The following PALM2AKAP2 variants were observed in gnomAD, a reference collection of about 807,000 sequenced individuals.
PALM2AKAP2 encodes the protein PALM2 and AKAP2 fusion, also known as PALM2-AKAP2 fusion protein.
A neutral mutation model predicts 71.5 loss-of-function variants in PALM2AKAP2; 37 were observed. The observed-to-expected ratio is 0.52, with a 90% CI of 0.40 to 0.68. The LOEUF (loss-of-function observed/expected upper bound fraction) is 0.68. Among genes scored for constraint, PALM2AKAP2 ranks in the 30% least tolerant of loss-of-function variants. The pLI is 0.00. For synonymous variants in PALM2AKAP2, 468 were observed against 478.8 expected (o/e 0.98, Z 0.29); for missense variants, 1,224 against 1,191.8 (o/e 1.03, Z -0.40).
At chr9:109,978,428 G>A (rs146660516) in intron 6 of PALM2AKAP2, among the ~76,000 whole-genome samples, 1 of 152,256 alleles carries the variant, frequency 6.6e-6, no homozygotes, top group East Asian at 1.9e-4. Flanking sequence ...CACTCAAGAA[G>A]CTGAGCATTA....
At chr9:109,668,553 G>A (rs1827526230) in intron 1 of PALM2AKAP2, among the ~76,000 whole-genome samples, 1 of 152,194 alleles carries the variant, frequency 6.6e-6, no homozygotes. Flanking sequence ...TATAGATTGT[G>A]TGTCTGGGCA....
At chr9:109,660,937 A>T (rs1396183561) in intron 1 of PALM2AKAP2, among the ~76,000 whole-genome samples, 1 of 152,078 alleles carries the variant, frequency 6.6e-6, no homozygotes, top group Non-Finnish European at 1.5e-5. Context: ...GCATTTTTTC[A>T]TGGGTCTGTT....
chr9:110,133,025 A>G (rs1348362305), intron 1 of PALM2AKAP2, among the ~76,000 whole-genome samples: 1 of 152,194 alleles, frequency 6.6e-6, no homozygotes, highest in Admixed American at 6.5e-5. Context: ...TTTTCAAACA[A>G]TTGCAAAAGT....
intron 1 of PALM2AKAP2, among the ~76,000 whole-genome samples, chr9:109,670,132 T>C (rs1325687807): frequency 1.3e-5 from 2 of 152,148 alleles, no homozygotes; most frequent in Admixed American, 1.3e-4. Context: ...AAAAAAACTT[T>C]TGATTTCAGG....
At chr9:109,688,958 T>A (rs1827840640) in intron 1 of PALM2AKAP2, among the ~76,000 whole-genome samples, 2 of 152,186 alleles carry the variant, frequency 1.3e-5, no homozygotes, top group African/African-American at 4.8e-5. Flanking sequence ...GAGACTCCAG[T>A]TGTTATCGTC....
chr9:110,063,480 C>G (rs1230794853), intron 1 of PALM2AKAP2, among the ~76,000 whole-genome samples: 1 of 151,218 alleles, frequency 6.6e-6, no homozygotes, highest in Admixed American at 6.6e-5. Context: ...ACTCTTGTCA[C>G]CCAGGCTGGA....
At chr9:109,858,928 C>A in intron 1 of PALM2AKAP2, among the ~76,000 whole-genome samples, 1 of 152,028 alleles carries the variant, frequency 6.6e-6, no homozygotes, top group Non-Finnish European at 1.5e-5. Flanking sequence ...AGGGTCACAC[C>A]GTGGGCAGAC....
chr9:109,704,558 T>G (rs1257306833), intron 1 of PALM2AKAP2, among the ~76,000 whole-genome samples: 2 of 152,054 alleles, frequency 1.3e-5, no homozygotes, highest in South Asian at 2.1e-4. Context: ...AGATTTTAAA[T>G]AACTCTTCTT....
At chr9:109,875,836 A>G (rs896042894) in intron 2 of PALM2AKAP2, among the ~76,000 whole-genome samples, 4 of 152,230 alleles carry the variant, frequency 2.6e-5, no homozygotes, top group African/African-American at 9.7e-5. Context: ...TGGCCAGGCC[A>G]GTAGAGCCAG....
chr9:109,745,896 G>A (rs1242880142), intron 1 of PALM2AKAP2, among the ~76,000 whole-genome samples: 4 of 152,136 alleles, frequency 2.6e-5, no homozygotes, highest in East Asian at 3.8e-4. Flanking sequence ...CATCCAAAAC[G>A]TTGCAAAGAA....
At chr9:110,099,820 G>C (rs1834948592) in intron 1 of PALM2AKAP2, among the ~76,000 whole-genome samples, 1 of 151,812 alleles carries the variant, frequency 6.6e-6, no homozygotes, top group South Asian at 2.1e-4. Context: ...GCTTTCAATT[G>C]ATTTGTATTT....
intron 5 of PALM2AKAP2, among the ~76,000 whole-genome samples, chr9:109,930,161 C>A (rs557818568): frequency 3.8e-4 from 58 of 152,272 alleles, no homozygotes; most frequent in African/African-American, 1.4e-3. Context: ...CCTCACTCCA[C>A]CCTAAGTCCT....
At chr9:110,081,501 C>G (rs1449099938) in intron 1 of PALM2AKAP2, among the ~76,000 whole-genome samples, 1 of 152,158 alleles carries the variant, frequency 6.6e-6, no homozygotes, top group Non-Finnish European at 1.5e-5. Flanking sequence ...ATAGAACATA[C>G]CACATTACTC....
intron 6 of PALM2AKAP2, among the ~76,000 whole-genome samples, chr9:109,934,822 A>G (rs1831184794): frequency 1.3e-5 from 2 of 152,228 alleles, no homozygotes; most frequent in East Asian, 1.9e-4. Flanking sequence ...AGCTATACAT[A>G]TACTACTTCA....
chr9:110,065,871 C>T (rs1295218699), intron 1 of PALM2AKAP2, among the ~76,000 whole-genome samples: 9 of 152,316 alleles, frequency 5.9e-5, no homozygotes, highest in Non-Finnish European at 1.3e-4. Context: ...CATGTTATAG[C>T]ATGTGTCACA....
intron 1 of PALM2AKAP2, among the ~76,000 whole-genome samples, chr9:109,818,527 CTG>C (rs1827907801): frequency 6.6e-6 from 1 of 152,150 alleles, no homozygotes; most frequent in Admixed American, 6.5e-5. Context: ...GCTTCTGTAT[CTG>C]TATTGATAAG....
intron 1 of PALM2AKAP2, among the ~76,000 whole-genome samples, chr9:110,051,219 T>G (rs1301295710): frequency 6.6e-6 from 1 of 152,242 alleles, no homozygotes; most frequent in Non-Finnish European, 1.5e-5. Context: ...ACTTCCTGCC[T>G]GCAGAGTCTG....
chr9:109,888,646 G>T lies in PALM2AKAP2; in HGVS notation c.257+7965G>T, dbSNP rs143303405. Among the ~76,000 whole-genome samples, 165 of 143,354 alleles carry T rather than the reference G, an allele frequency of 1.2e-3. 1 individual carries two copies. The East Asian group carries it at 0.024, about 21-fold the overall frequency. 94.0% of individuals were successfully genotyped at this position (143,354 alleles called of 152,430 possible). A position where few individuals can be genotyped will look rare whatever the true frequency, so the allele number is the denominator to read the frequency against. On this transcript the variant is annotated intron_variant, in intron 3 of 9. Coordinates refer to the PALM2AKAP2 transcript ENST00000302798. The stretch of plus-strand genomic sequence containing the variant: ...AATCACTTGAACCCAGGAGGCGGAG[G>T]TTGCAGTGAGCCGAGATCGCACCAT...
At chr9:110,098,641 G>A (rs1222924293) in intron 1 of PALM2AKAP2, among the ~76,000 whole-genome samples, 1 of 151,990 alleles carries the variant, frequency 6.6e-6, no homozygotes, top group Non-Finnish European at 1.5e-5. Flanking sequence ...CAAGTCCTCT[G>A]ACACATCAGC....
Sources: allele counts gnomAD v4.1 joint callset (sites outside exome capture counted in the v4.1 genomes callset), GRCh38; gene constraint gnomAD v4.1.1; transcripts MANE v1.5; gene names NCBI Gene and HGNC (gene_info 2026-07-23, HGNC 2026-07-21).